Variants in KIAA1549L observed in about 807,000 individuals in gnomAD.
KIAA1549L encodes UPF0606 protein KIAA1549L.
KIAA1549L carries 88 observed loss-of-function variants against 160.7 expected under a neutral mutation model. That is an observed-to-expected ratio of 0.55 (90% CI 0.46 to 0.65). The LOEUF (loss-of-function observed/expected upper bound fraction) is 0.65, where lower values mean the gene tolerates loss of function less well. Among genes scored for constraint, KIAA1549L ranks in the 30% least tolerant of loss-of-function variants. The pLI is 0.00. For synonymous variants in KIAA1549L, 950 were observed against 976.7 expected, an observed-to-expected ratio of 0.97 and a Z score of 0.51; for missense variants, 2,258 against 2,437.5, an observed-to-expected ratio of 0.93 and a Z score of 1.55.
chr11:33,618,512 C>T, intron 15 of KIAA1549L, 21 bp from the exon 16 acceptor site: 1 of 1,593,626 alleles, frequency 6.3e-7, no homozygotes. Flanking sequence ...TGCATCATAA[C>T]AGTTGTTGAA....
intron 1 of KIAA1549L, among the ~76,000 whole-genome samples, chr11:33,399,564 C>A (rs572426363): frequency 2.0e-4 from 30 of 152,294 alleles, no homozygotes; most frequent in African/African-American, 7.2e-4. Flanking sequence ...TCACCTCCTA[C>A]ACAGAGGCAT....
At chr11:33,521,942 C>T (rs1547068) in intron 1 of KIAA1549L, among the ~76,000 whole-genome samples, 105,899 of 152,096 alleles carry the variant, frequency 0.7, 37,537 homozygotes, top group African/African-American at 0.84. Flanking sequence ...ATAGAACTTT[C>T]GTTGATGGAG....
chr11:33,633,665 A>G lies in KIAA1549L; in HGVS notation c.5410-12021A>G, dbSNP rs1034168051. On this transcript the variant is annotated intron_variant, in intron 16 of 20. Coordinates refer to ENST00000658780, the MANE Select transcript of KIAA1549L (RefSeq NM_012194.3). ...AATTAGCTTTCCAAGAGAGAAAGCC[A>G]TTCTGATATGTTTACTTTCGGGTGG... Among the ~76,000 whole-genome samples the G allele has an allele frequency of 2.0e-4, 31 of 152,330 alleles. 2 individuals carry two copies. The highest frequency in any genetic ancestry group is 4.1e-4 in the South Asian group (2 of 4,828).
chr11:33,529,675 C>T (rs955001385), intron 1 of KIAA1549L, among the ~76,000 whole-genome samples: 2 of 152,258 alleles, frequency 1.3e-5, no homozygotes, highest in Non-Finnish European at 2.9e-5. Flanking sequence ...CACTTGAGTA[C>T]CTTCATGGTG....
chr11:33,464,757 G>C lies in KIAA1549L; in HGVS notation c.239-77045G>C, dbSNP rs186930463. ...TCTTTGAGGGCTCTCCATGGTTCCA[G>C]GATCAAGTCCAGACCTCTTAGCAAG... On this transcript the variant is annotated intron_variant, in intron 1 of 20. Coordinates refer to ENST00000658780, the MANE Select transcript of KIAA1549L (RefSeq NM_012194.3). Among the ~76,000 whole-genome samples, 174 of 152,078 alleles carry C rather than the reference G, an allele frequency of 1.1e-3. 1 individual carries two copies. The highest frequency in any genetic ancestry group is 4.0e-3 in the African/African-American group (167 of 41,470).
At chr11:33,383,033 C>T (rs72919349) in intron 1 of KIAA1549L, among the ~76,000 whole-genome samples, 13,218 of 152,144 alleles carry the variant, frequency 0.087, 647 homozygotes, top group South Asian at 0.13. Flanking sequence ...GTACTTTTAA[C>T]ACTGGCATAA....
At chr11:33,458,455 A>C (rs1161284196) in intron 1 of KIAA1549L, among the ~76,000 whole-genome samples, 20 of 152,254 alleles carry the variant, frequency 1.3e-4, no homozygotes, top group Admixed American at 1.3e-3. Flanking sequence ...TCTAGATTAA[A>C]TAGAAAAGAA....
rs150962144 is a variant in KIAA1549L at position 33,494,460 on chromosome 11, G to C, written c.239-47342G>C. On this transcript the variant is annotated intron_variant, in intron 1 of 20. Coordinates refer to ENST00000658780, the MANE Select transcript of KIAA1549L (RefSeq NM_012194.3). ...GGACTGTCTAAGTACCAACATATTC[G>C]TTTTTCTTCTCTAGACCTGCTAGAG... Among the ~76,000 whole-genome samples, 374 of 152,258 alleles carry C rather than the reference G, an allele frequency of 2.5e-3. 4 individuals are homozygous for C. In the South Asian group the frequency reaches 0.025, roughly 10 times the overall value.
chr11:33,549,188 T>C (rs966147608), intron 4 of KIAA1549L, among the ~76,000 whole-genome samples: 1 of 152,110 alleles, frequency 6.6e-6, no homozygotes, highest in African/African-American at 2.4e-5. Context: ...CTTAAGCACA[T>C]TTTTTTGAAA....
chr11:33,443,656 T>G (rs1184082284), intron 1 of KIAA1549L, among the ~76,000 whole-genome samples: 1 of 152,036 alleles, frequency 6.6e-6, no homozygotes, highest in Non-Finnish European at 1.5e-5. Context: ...TCCTTTTTGG[T>G]GCCATGAGCC....
intron 1 of KIAA1549L, among the ~76,000 whole-genome samples, chr11:33,439,613 G>C (rs1296729027): frequency 7.2e-6 from 1 of 139,850 alleles, no homozygotes; most frequent in Non-Finnish European, 1.5e-5. Context: ...GGGTTTCACT[G>C]TGTTAGCCAG....
intron 1 of KIAA1549L, among the ~76,000 whole-genome samples, chr11:33,423,683 G>C (rs1851063106): frequency 6.6e-6 from 1 of 152,224 alleles, no homozygotes. Flanking sequence ...AGAGCTTTCA[G>C]TGGAAGTTTT....
At chr11:33,471,891 T>C (rs959777499) in intron 1 of KIAA1549L, among the ~76,000 whole-genome samples, 3 of 152,238 alleles carry the variant, frequency 2.0e-5, no homozygotes, top group Admixed American at 6.5e-5. Context: ...CAGAACCTTA[T>C]GAACAGTCTC....
chr11:33,392,664 G>C (rs937744461), intron 1 of KIAA1549L, among the ~76,000 whole-genome samples: 1 of 152,088 alleles, frequency 6.6e-6, no homozygotes, highest in African/African-American at 2.4e-5. Context: ...AAGCAACCAT[G>C]GTTTGATTTT....
chr11:33,556,174 C>T (rs938415842), intron 6 of KIAA1549L, among the ~76,000 whole-genome samples: 8 of 152,084 alleles, frequency 5.3e-5, no homozygotes, highest in African/African-American at 1.7e-4. Context: ...TTGGTGATAA[C>T]GTGGAGAAAT....
rs1852552716 is a variant in KIAA1549L, at chr11:33,668,246, AAT to A, written c.*93_*94del. On this transcript the variant is annotated 3_prime_UTR_variant, in exon 21 of 21. Coordinates refer to ENST00000658780, the MANE Select transcript of KIAA1549L (RefSeq NM_012194.3). The stretch of plus-strand genomic sequence containing the variant: ...TACGTGTTAGGACTTGAGACATAGC[AAT>A]GGGTGAGTCTTTCTCACCCTCCATT... 14 of 1,179,506 alleles carry A rather than the reference AAT, an allele frequency of 1.2e-5. No homozygotes were observed. Among genetic ancestry groups the A allele is most frequent in the Admixed American group, 2.3e-5 (1 of 43,758 alleles). The allele number at this position is 1,179,506 out of a possible 1,614,324, so 73.1% of individuals were successfully genotyped here.
chr11:33,638,512 T>A (rs115224721), intron 16 of KIAA1549L, among the ~76,000 whole-genome samples: 1,511 of 146,454 alleles, frequency 0.01, 15 homozygotes, highest in African/African-American at 0.037. Context: ...CTATTCCATT[T>A]TATAAATATA....
intron 9 of KIAA1549L, among the ~76,000 whole-genome samples, chr11:33,573,234 C>T (rs1199266452): frequency 3.3e-5 from 5 of 152,104 alleles, no homozygotes; most frequent in African/African-American, 9.7e-5. Flanking sequence ...AGGGTAAGAA[C>T]ATTACCCTTA....
At chr11:33,572,532 A>G (rs1036844297) in intron 9 of KIAA1549L, among the ~76,000 whole-genome samples, 2 of 152,184 alleles carry the variant, frequency 1.3e-5, no homozygotes, top group African/African-American at 4.8e-5. Context: ...ACATTCTAGC[A>G]TTTCATATAA....
Sources: gnomAD v4.1 joint callset for allele counts (sites outside exome capture counted in the v4.1 genomes callset) on GRCh38, gnomAD v4.1.1 for gene constraint, MANE v1.5 for transcripts, NCBI Gene and HGNC (gene_info 2026-07-23, HGNC 2026-07-21) for gene names.